The following MARK3 variants were observed in gnomAD, a reference collection of about 807,000 sequenced individuals.
MARK3 encodes the protein MAP/microtubule affinity-regulating kinase 3.
Under a neutral mutation model 90.1 loss-of-function variants are expected in MARK3, and 46 were observed. The ratio of observed to expected loss-of-function variants is 0.51; its 90% CI spans 0.40 to 0.65. The LOEUF (loss-of-function observed/expected upper bound fraction) is 0.65, where lower values mean the gene tolerates loss of function less well. MARK3 is among the 30% of genes least tolerant of loss of function. The pLI, the probability that MARK3 is intolerant of heterozygous loss-of-function variation, is 0.00. For synonymous variants in MARK3, 321 were observed against 332.6 expected (o/e 0.97, Z 0.38); for missense variants, 818 against 947.2 (o/e 0.86, Z 1.79).
At chr14:103,477,363 G>A (rs2093732441) in intron 13 of MARK3, among the ~76,000 whole-genome samples, 1 of 152,070 alleles carries the variant, frequency 6.6e-6, no homozygotes, top group Non-Finnish European at 1.5e-5. Flanking sequence ...ATAGTGGCGT[G>A]CTCCTGTAAT....
Position 103,503,520 on chromosome 14 carries a change from T to A in MARK3, c.*293T>A, listed in dbSNP as rs945086972. Reference sequence around the variant, plus strand: ...GGTGGGTGTGAGAGTGGACGGTATGTGTGTGAAGTGGTGTATATGGAAGCA... The same window carrying A: ...GGTGGGTGTGAGAGTGGACGGTATGAGTGTGAAGTGGTGTATATGGAAGCA... On this transcript the variant is annotated 3_prime_UTR_variant, in exon 18 of 18. Coordinates refer to ENST00000429436, the MANE Select transcript of MARK3 (RefSeq NM_001128918.3). The A allele has an allele frequency of 3.5e-5, 14 of 402,472 alleles. No homozygotes were observed. Among genetic ancestry groups the A allele is most frequent in the Non-Finnish European group, 5.9e-5 (13 of 220,818 alleles). The allele number at this position is 402,472 out of a possible 1,614,324, so 24.9% of individuals were successfully genotyped here.
At chr14:103,453,524 G>A (rs2093204241) in intron 5 of MARK3, among the ~76,000 whole-genome samples, 1 of 152,178 alleles carries the variant, frequency 6.6e-6, no homozygotes, top group Non-Finnish European at 1.5e-5. Flanking sequence ...ACAATGAGTT[G>A]TAGTAAGCAT....
intron 15 of MARK3, among the ~76,000 whole-genome samples, chr14:103,498,182 A>T (rs2075448372): frequency 6.6e-6 from 1 of 151,080 alleles, no homozygotes; most frequent in Non-Finnish European, 1.5e-5. Flanking sequence ...GCACCACTGC[A>T]CTGTGACAGA....
chr14:103,448,278 A>G (rs2093044821), intron 3 of MARK3, among the ~76,000 whole-genome samples: 1 of 152,224 alleles, frequency 6.6e-6, no homozygotes, highest in Non-Finnish European at 1.5e-5. Context: ...TGCTTGCTTC[A>G]GTTTGCTAAG....
chr14:103,408,417 G>A lies in MARK3; in HGVS notation c.243+3150G>A, dbSNP rs147361522. Among the ~76,000 whole-genome samples the A allele has an allele frequency of 1.0e-3, 158 of 152,310 alleles. 5 individuals carry two copies. In the East Asian group the frequency reaches 0.026, roughly 25 times the overall value. On this transcript the variant is annotated intron_variant, in intron 2 of 17. Coordinates refer to ENST00000429436, the MANE Select transcript of MARK3 (RefSeq NM_001128918.3). ...TTGGCCAGGCTGGTCTCGAACTCCT[G>A]ATGTCAGGTGATCCACCCACCTCAG...
At chr14:103,432,576 C>G (rs908145751) in intron 3 of MARK3, among the ~76,000 whole-genome samples, 4 of 152,096 alleles carry the variant, frequency 2.6e-5, no homozygotes, top group Admixed American at 1.3e-4. Flanking sequence ...GCAGGCCCGG[C>G]ACAGTGGCTC....
intron 3 of MARK3, among the ~76,000 whole-genome samples, chr14:103,434,833 C>T (rs1381756839): frequency 2.0e-5 from 3 of 152,104 alleles, no homozygotes; most frequent in Admixed American, 1.3e-4. Flanking sequence ...ATTTTAGCAG[C>T]GTTTTTTGCT....
chr14:103,405,348 T>C lies in MARK3; in HGVS notation c.243+81T>C, dbSNP rs953129698. On this transcript the variant is annotated intron_variant, in intron 2 of 17. Transcript: ENST00000429436. ...TAAGAGAAAGAAAAGAATATAGATA[T>C]AGGCCTTATTTCTTTTTTTTAAGAT... 9.8e-6 allele frequency: 11 copies of C among 1,120,294 alleles called. No individual in the cohort carries two copies. In the East Asian group the frequency reaches 1.1e-4, roughly 12 times the overall value. 69.4% of individuals were successfully genotyped at this position (1,120,294 alleles called of 1,614,324 possible).
At chr14:103,433,088 C>CT (rs371171878) in intron 3 of MARK3, among the ~76,000 whole-genome samples, 40,327 of 115,006 alleles carry the variant, frequency 0.35, 7,302 homozygotes, top group East Asian at 0.55. Flanking sequence ...CTTTTCTTTT[C>CT]TTTTCTTTTT....
At chr14:103,460,573 C>T (rs184566446) in intron 6 of MARK3, among the ~76,000 whole-genome samples, 38 of 152,264 alleles carry the variant, frequency 2.5e-4, no homozygotes, top group Non-Finnish European at 4.0e-4. Flanking sequence ...TGAGTCTTTT[C>T]AGCTTATTGT....
intron 2 of MARK3, among the ~76,000 whole-genome samples, chr14:103,426,891 T>TA (rs59517015): frequency 6.0e-5 from 9 of 149,376 alleles, no homozygotes; most frequent in African/African-American, 2.2e-4. Flanking sequence ...CTTTTCTATT[T>TA]AAAAAAAAAA....
chr14:103,447,124 G>A (rs1232658656), intron 3 of MARK3, among the ~76,000 whole-genome samples: 21 of 152,048 alleles, frequency 1.4e-4, no homozygotes, highest in Non-Finnish European at 2.8e-4. Flanking sequence ...AATTCTGAGC[G>A]TAAGGTTATA....
At chr14:103,412,590 TG>T in intron 2 of MARK3, 2 of 791,474 alleles carry the variant, frequency 2.5e-6, no homozygotes, top group Non-Finnish European at 4.1e-6. Context: ...GGACAGGGAG[TG>T]GACTTAAGCC....
chr14:103,466,482 A>G (rs2141589061), intron 10 of MARK3, 40 bp downstream of exon 10: 2 of 1,333,702 alleles, frequency 1.5e-6, no homozygotes, highest in East Asian at 2.3e-5. Flanking sequence ...GTTTTTGTCT[A>G]AGTAACATAT....
intron 3 of MARK3, among the ~76,000 whole-genome samples, chr14:103,442,342 C>A (rs1036023097): frequency 3.1e-4 from 46 of 149,172 alleles, no homozygotes; most frequent in African/African-American, 1.1e-3. Flanking sequence ...TGCAGTTCAG[C>A]CTGGGTGACA....
intron 3 of MARK3, among the ~76,000 whole-genome samples, chr14:103,428,802 G>A (rs1012276341): frequency 6.6e-6 from 1 of 152,114 alleles, no homozygotes; most frequent in South Asian, 2.1e-4. Context: ...GTGCAAATTT[G>A]TACCTTATAG....
chr14:103,421,343 C>T (rs558400975), intron 2 of MARK3, among the ~76,000 whole-genome samples: 8 of 152,212 alleles, frequency 5.3e-5, no homozygotes, highest in Admixed American at 1.3e-4. Flanking sequence ...TCAGTGAGCA[C>T]AGTAACTGCA....
intron 12 of MARK3, chr14:103,469,118 T>A (rs1053541486): frequency 6.6e-6 from 1 of 152,080 alleles, no homozygotes; most frequent in Non-Finnish European, 1.5e-5. Flanking sequence ...ATCAAGTACT[T>A]GAACTGAGGA....
chr14:103,458,523 C>A (rs2093328885), intron 6 of MARK3, among the ~76,000 whole-genome samples: 1 of 147,080 alleles, frequency 6.8e-6, no homozygotes, highest in Middle Eastern at 3.6e-3. Flanking sequence ...TGACTGTGTT[C>A]CAACAAAACT....
Sources: gnomAD v4.1 joint callset for allele counts (sites outside exome capture counted in the v4.1 genomes callset) on GRCh38, gnomAD v4.1.1 for gene constraint, MANE v1.5 for transcripts, NCBI Gene and HGNC (gene_info 2026-07-23, HGNC 2026-07-21) for gene names.